SUSD4: variants seen among roughly 807,000 people sequenced by gnomAD.
The protein encoded by SUSD4 is sushi domain-containing protein 4.
In SUSD4, 41 loss-of-function variants were observed where a neutral mutation model predicts 50.5. The ratio of observed to expected loss-of-function variants is 0.81; its 90% CI spans 0.63 to 1.05. SUSD4 has a LOEUF of 1.05. Ranked by LOEUF, SUSD4 falls within the 50% of genes least tolerant of loss-of-function variation. The probability of loss-of-function intolerance (pLI) is 0.00; values close to 1 mark genes in which losing one functional copy is unlikely to be tolerated. For missense variants in SUSD4, 580 were observed against 634.7 expected, an observed-to-expected ratio of 0.91 and a Z score of 0.93; for synonymous variants, 257 against 257.3, an observed-to-expected ratio of 1.00 and a Z score of 0.01.
chr1:223,352,502 C>T (rs900702089), intron 2 of SUSD4, among the ~76,000 whole-genome samples: 2 of 152,148 alleles, frequency 1.3e-5, no homozygotes, highest in African/African-American at 4.8e-5. Context: ...TCCAGGGGCC[C>T]ATGGGTGGCA....
intron 5 of SUSD4, among the ~76,000 whole-genome samples, chr1:223,256,477 C>T (rs1292181556): frequency 1.3e-5 from 2 of 152,216 alleles, no homozygotes; most frequent in Non-Finnish European, 2.9e-5. Flanking sequence ...CCTCACCACA[C>T]ATCTCTTCCT....
At chr1:223,284,219 T>G (rs1418593204) in intron 3 of SUSD4, among the ~76,000 whole-genome samples, 2 of 152,102 alleles carry the variant, frequency 1.3e-5, no homozygotes, top group Non-Finnish European at 2.9e-5. Context: ...ACCCTAGAAC[T>G]TAAAGTATAA....
chr1:223,227,001 A>G lies in SUSD4; in HGVS notation c.1061+593T>C, dbSNP rs2102994476. 6.6e-6 allele frequency among the ~76,000 whole-genome samples: 1 copy of G among 152,102 alleles called. No homozygotes were observed. The highest frequency in any genetic ancestry group is 1.9e-4 in the East Asian group (1 of 5,168). ...TGATGACTTGAGGCTGAAGATACCA[A>G]CCCGAGCTGATTGGTGCAGCTCAGA... On this transcript the variant is annotated intron_variant, in intron 7 of 8. Coordinates refer to ENST00000366878, the MANE Select transcript of SUSD4 (RefSeq NM_017982.4). The surrounding 1 kb of genome is among the most constrained non-coding windows in gnomAD (Gnocchi z 4.5).
At chr1:223,230,209 C>T (rs1305315696) in intron 5 of SUSD4, among the ~76,000 whole-genome samples, 2 of 152,082 alleles carry the variant, frequency 1.3e-5, no homozygotes, top group Non-Finnish European at 2.9e-5. Context: ...TCTCTGTCAC[C>T]ACAAAGACGG....
At chr1:223,354,381 C>T (rs1395201178) in intron 2 of SUSD4, among the ~76,000 whole-genome samples, 3 of 151,600 alleles carry the variant, frequency 2.0e-5, no homozygotes, top group Admixed American at 6.6e-5. Flanking sequence ...CAAAGCAATG[C>T]TATAAACGGA....
chr1:223,279,882 C>T (rs184159009), intron 3 of SUSD4, among the ~76,000 whole-genome samples: 9 of 152,280 alleles, frequency 5.9e-5, no homozygotes, highest in South Asian at 2.1e-4. Context: ...AGACTAACAG[C>T]GGATCTCTCG....
At chr1:223,292,989 G>A (rs1664595778) in intron 2 of SUSD4, among the ~76,000 whole-genome samples, 1 of 152,162 alleles carries the variant, frequency 6.6e-6, no homozygotes, top group African/African-American at 2.4e-5. Flanking sequence ...ACAGTAGGTG[G>A]GAGGGATTCA....
At chr1:223,326,795 A>C (rs1472149276) in intron 2 of SUSD4, among the ~76,000 whole-genome samples, 1 of 152,248 alleles carries the variant, frequency 6.6e-6, no homozygotes, top group Non-Finnish European at 1.5e-5. Flanking sequence ...TCACAATGAG[A>C]TACCACCTTA....
chr1:223,354,409 C>A lies in SUSD4; in HGVS notation c.148+8869G>T, dbSNP rs138983873. 3.3e-5 allele frequency among the ~76,000 whole-genome samples: 5 copies of A among 152,076 alleles called. No homozygotes were observed. In the East Asian group the frequency reaches 9.7e-4, roughly 29 times the overall value. On this transcript the variant is annotated intron_variant, in intron 2 of 8. Coordinates refer to ENST00000366878, the MANE Select transcript of SUSD4 (RefSeq NM_017982.4). ...TAAACGGAAGAATGATAGAAAAAAG[C>A]CTAGTCCACCATTTACAATCCAAGG...
chr1:223,358,974 C>T (rs1193901075), intron 2 of SUSD4: 2 of 439,844 alleles, frequency 4.5e-6, no homozygotes, highest in African/African-American at 2.0e-5. Flanking sequence ...AGTCAGAAAG[C>T]ATCTGTTTCC....
At chr1:223,315,495 C>T (rs918072202) in intron 2 of SUSD4, among the ~76,000 whole-genome samples, 5 of 152,162 alleles carry the variant, frequency 3.3e-5, no homozygotes, top group Non-Finnish European at 5.9e-5. Flanking sequence ...GGTCCTGTGG[C>T]CCCACCCACA....
chr1:223,362,210 A>C (rs1371454485), intron 2 of SUSD4, among the ~76,000 whole-genome samples: 1 of 152,202 alleles, frequency 6.6e-6, no homozygotes, highest in African/African-American at 2.4e-5. Flanking sequence ...TTAAAGCCCA[A>C]CTTATTACAC....
At chr1:223,348,959 A>G (rs1465432352) in intron 2 of SUSD4, among the ~76,000 whole-genome samples, 1 of 152,148 alleles carries the variant, frequency 6.6e-6, no homozygotes, top group African/African-American at 2.4e-5. Context: ...GTCCATGGGC[A>G]TGAAGCTCAG....
chr1:223,235,103 G>A (rs1558168527), intron 5 of SUSD4: 1 of 1,586,486 alleles, frequency 6.3e-7, no homozygotes, highest in African/African-American at 1.4e-5. Context: ...TCTTCCTCCT[G>A]AAAAAAAGAA....
intron 5 of SUSD4, chr1:223,264,272 A>G: frequency 9.9e-7 from 1 of 1,008,032 alleles, no homozygotes; most frequent in South Asian, 4.4e-5. Context: ...ACACAACAAT[A>G]AAACGAGGGG....
At chr1:223,292,734 GCATGATGT>G in intron 2 of SUSD4, 83 bp from the exon 3 acceptor site, 1 of 1,433,214 alleles carries the variant, frequency 7.0e-7, no homozygotes, top group Non-Finnish European at 9.6e-7. Flanking sequence ...GGCAGACCCT[GCATGATGT>G]CATACGCCTT....
chr1:223,319,570 T>C (rs1310575370), intron 2 of SUSD4, among the ~76,000 whole-genome samples: 1 of 152,126 alleles, frequency 6.6e-6, no homozygotes, highest in Non-Finnish European at 1.5e-5. Flanking sequence ...CACTCCTGGG[T>C]CATCTTCATC....
At chr1:223,349,736 C>A (rs1179896010) in intron 2 of SUSD4, among the ~76,000 whole-genome samples, 1 of 152,164 alleles carries the variant, frequency 6.6e-6, no homozygotes, top group Non-Finnish European at 1.5e-5. Context: ...GAACTGAGCT[C>A]CGGCATCATC....
intron 2 of SUSD4, among the ~76,000 whole-genome samples, chr1:223,344,882 G>C (rs1035726704): frequency 6.6e-6 from 1 of 152,196 alleles, no homozygotes; most frequent in Non-Finnish European, 1.5e-5. Context: ...TATGTTCAAG[G>C]CTGGGAATTT....
Sources: gnomAD v4.1 joint callset for allele counts (sites outside exome capture counted in the v4.1 genomes callset) on GRCh38, gnomAD v4.1.1 for gene constraint, Gnocchi (gnomAD v3.1) non-coding constraint, MANE v1.5 for transcripts, NCBI Gene and HGNC (gene_info 2026-07-23, HGNC 2026-07-21) for gene names.